PIK3C2B: variants seen among roughly 807,000 people sequenced by gnomAD.
PIK3C2B encodes the protein phosphatidylinositol-4-phosphate 3-kinase catalytic subunit type 2 beta.
PIK3C2B carries 83 observed loss-of-function variants against 184.3 expected under a neutral mutation model. That is an observed-to-expected ratio of 0.45 (90% confidence interval 0.38 to 0.54). The LOEUF (loss-of-function observed/expected upper bound fraction) is 0.54, where lower values mean the gene tolerates loss of function less well. Among genes scored for constraint, PIK3C2B ranks in the 20% least tolerant of loss-of-function variants. The pLI is 0.00. For synonymous variants in PIK3C2B, 779 were observed against 837.6 expected, an observed-to-expected ratio of 0.93 and a Z score of 1.21; for missense variants, 1,736 against 2,113.5, an observed-to-expected ratio of 0.82 and a Z score of 3.50.
chr1:204,443,352 T>C, intron 19 of PIK3C2B, 65 bp downstream of exon 19: 1 of 1,495,248 alleles, frequency 6.7e-7, no homozygotes, highest in East Asian at 2.3e-5. Flanking sequence ...TCAGGATTCC[T>C]AAGAAGAAAC....
chr1:204,485,576 C>CTTT (rs11407141), intron 1 of PIK3C2B, among the ~76,000 whole-genome samples: 2 of 140,428 alleles, frequency 1.4e-5, no homozygotes, highest in Non-Finnish European at 3.1e-5. Flanking sequence ...GTCATTCTTC[C>CTTT]TTTTTTTTTT....
chr1:204,447,387 T>C lies in PIK3C2B; in HGVS notation c.2489+49A>G, dbSNP rs1161694732. ...AAGCAGGAGGACGGAGACTCAGTGC[T>C]GGGAGGTCAGATGAAACATGACAGA... On this transcript the variant is annotated intron_variant, in intron 15 of 32. Transcript: ENST00000684373. This position sits in a 1 kb window ranked among gnomAD's most constrained non-coding sequence, Gnocchi z 4.1. 16 of 1,580,830 alleles carry C rather than the reference T, an allele frequency of 1.0e-5. No homozygotes were observed. The highest frequency in any genetic ancestry group is 1.3e-5 in the African/African-American group (1 of 74,508).
intron 16 of PIK3C2B, among the ~76,000 whole-genome samples, chr1:204,445,018 C>CT (rs1653729958): frequency 6.6e-6 from 1 of 152,076 alleles, no homozygotes; most frequent in Non-Finnish European, 1.5e-5. Context: ...AAAGGCAGCC[C>CT]TAACAGATCT....
At chr1:204,475,755 C>A (rs1656659361) in intron 1 of PIK3C2B, among the ~76,000 whole-genome samples, 1 of 152,176 alleles carries the variant, frequency 6.6e-6, no homozygotes. Context: ...TCCAAGCAGG[C>A]ACTGTTCCTG....
chr1:204,470,025 T>A (rs1216309114), intron 1 of PIK3C2B, 139 bp from the exon 2 acceptor site: 3 of 570,356 alleles, frequency 5.3e-6, no homozygotes, highest in South Asian at 2.1e-5. Context: ...TACAGGAAGA[T>A]GGAGGAAAAA....
intron 31 of PIK3C2B, 88 bp from the exon 32 acceptor site, chr1:204,425,829 C>A: frequency 8.1e-7 from 1 of 1,236,868 alleles, no homozygotes; most frequent in East Asian, 2.3e-5. Context: ...CTGATCCAGA[C>A]TCTCATCTGC....
chr1:204,443,340 G>T, intron 19 of PIK3C2B, 77 bp downstream of exon 19: 1 of 1,405,366 alleles, frequency 7.1e-7, no homozygotes, highest in Non-Finnish European at 9.8e-7. Flanking sequence ...GAATCTTGTT[G>T]TTCAGGATTC....
chr1:204,465,928 T>C (rs1655732817), intron 2 of PIK3C2B, among the ~76,000 whole-genome samples: 2 of 152,188 alleles, frequency 1.3e-5, no homozygotes, highest in Admixed American at 1.3e-4. Flanking sequence ...GAGGACCTGG[T>C]AGAAGCTTGG....
chr1:204,452,367 T>C (rs1214285396), intron 12 of PIK3C2B, among the ~76,000 whole-genome samples: 1 of 127,894 alleles, frequency 7.8e-6, no homozygotes, highest in Non-Finnish European at 1.6e-5. Flanking sequence ...AGCCTTGACC[T>C]CCCAGGCTCA....
chr1:204,476,343 G>T (rs1025172871), intron 1 of PIK3C2B, among the ~76,000 whole-genome samples: 2 of 150,682 alleles, frequency 1.3e-5, no homozygotes, highest in African/African-American at 5.0e-5. Context: ...AAGCCGAGGC[G>T]GGGGGATTGC....
At chr1:204,484,648 C>T (rs191348451) in intron 1 of PIK3C2B, among the ~76,000 whole-genome samples, 34 of 152,086 alleles carry the variant, frequency 2.2e-4, no homozygotes, top group African/African-American at 6.7e-4. Context: ...GCAGGAGAAT[C>T]GCTTGAAACT....
intron 14 of PIK3C2B, among the ~76,000 whole-genome samples, chr1:204,448,700 C>A (rs940527060): frequency 2.0e-5 from 3 of 150,872 alleles, no homozygotes; most frequent in Non-Finnish European, 4.4e-5. Flanking sequence ...TACTCCATAC[C>A]AAAGTATCTC....
intron 1 of PIK3C2B, among the ~76,000 whole-genome samples, chr1:204,473,885 C>T (rs546418068): frequency 7.9e-5 from 12 of 152,154 alleles, no homozygotes; most frequent in African/African-American, 2.9e-4. Context: ...CCTGTATCTT[C>T]AATCTCTTCT....
Position 204,441,119 on chromosome 1 carries a change from T to C in PIK3C2B, c.3249+352A>G, listed in dbSNP as rs78468837. ...CATCTAGTTGGACCTGCACCTGATA[T>C]ATTAATTTCCTCTTCAGCAGCCCTG... On this transcript the variant is annotated intron_variant, in intron 21 of 32. Transcript: ENST00000684373. Among the ~76,000 whole-genome samples the C allele has an allele frequency of 9.9e-3, 1,501 of 152,320 alleles. 21 individuals carry two copies. Among genetic ancestry groups the C allele is most frequent in the African/African-American group, 0.034 (1,409 of 41,568 alleles).
intron 1 of PIK3C2B, among the ~76,000 whole-genome samples, chr1:204,483,714 ATCTC>A (rs2103534166): frequency 6.6e-6 from 1 of 152,302 alleles, no homozygotes; most frequent in Non-Finnish European, 1.5e-5. Flanking sequence ...CCTTTCTCCG[ATCTC>A]TTATCCCCCC....
At chr1:204,484,997 T>C (rs1248414264) in intron 1 of PIK3C2B, among the ~76,000 whole-genome samples, 6 of 151,148 alleles carry the variant, frequency 4.0e-5, no homozygotes, top group Non-Finnish European at 5.9e-5. Context: ...TTAGACTCCC[T>C]CTCCAGTGCT....
Position 204,469,556 on chromosome 1 carries a change from C to G in PIK3C2B, c.247G>C (p.Gly83Arg). 1 of 1,593,532 alleles carries G rather than the reference C, an allele frequency of 6.3e-7. No homozygotes were observed. Among genetic ancestry groups the G allele is most frequent in the South Asian group, 1.1e-5 (1 of 87,052 alleles). ...GRRTDLKLLRGLSGSDPTLNY... is the reference protein window; with the variant it reads ...GRRTDLKLLRRLSGSDPTLNY... ...AGGGTAGGATCAGAGCCAGAGAGAC[C>G]GCGTAACAGCTTGAGGTCGGTCCGC... The change falls in exon 2 of 33, where the codon GGT (glycine) becomes CGT (arginine). Residue 83 changes from glycine to arginine, a missense_variant. Physicochemically the swap from Gly to Arg is moderately radical, Grantham distance 125 (BLOSUM62 -2). Around this residue, in one of 8 missense-constraint regions of PIK3C2B, gnomAD observed 404 missense variants for 418.0 expected, o/e 0.97. Coordinates refer to ENST00000684373, the MANE Select transcript of PIK3C2B (RefSeq NM_001377334.1).
chr1:204,444,513 G>A (rs923819738), intron 16 of PIK3C2B, 89 bp from the exon 17 acceptor site: 53 of 899,420 alleles, frequency 5.9e-5, no homozygotes, highest in Middle Eastern at 4.4e-4. Flanking sequence ...GGCTTCAGAG[G>A]CATGGAGAAA....
intron 1 of PIK3C2B, among the ~76,000 whole-genome samples, chr1:204,472,157 C>A (rs990431684): frequency 1.7e-5 from 2 of 117,576 alleles, no homozygotes; most frequent in Non-Finnish European, 3.6e-5. Flanking sequence ...ATTAGCAACA[C>A]TGGGGGAACT....
Sources: gnomAD v4.1 joint callset for allele counts (sites outside exome capture counted in the v4.1 genomes callset) on GRCh38, gnomAD v4.1.1 for gene constraint, gnomAD v4.1.1 regional missense constraint, Gnocchi (gnomAD v3.1) non-coding constraint, MANE v1.5 for transcripts, NCBI Gene and HGNC (gene_info 2026-07-23, HGNC 2026-07-21) for gene names.